GPATCH3: variants seen among roughly 807,000 people sequenced by gnomAD.
GPATCH3 encodes the protein G patch domain-containing protein 3.
In GPATCH3, 45 loss-of-function variants were observed where a neutral mutation model predicts 53.2. The ratio of observed to expected loss-of-function variants is 0.85; its 90% confidence interval spans 0.67 to 1.08. The LOEUF (loss-of-function observed/expected upper bound fraction) is 1.08, where lower values mean the gene tolerates loss of function less well. GPATCH3 is among the 50% of genes least tolerant of loss of function. GPATCH3 has a pLI of 0.00. For synonymous variants in GPATCH3, 280 were observed against 270.6 expected (o/e 1.03, Z -0.34); for missense variants, 680 against 687.2 (o/e 0.99, Z 0.12).
At chr1:26,891,249 T>C (rs142950620) in intron 6 of GPATCH3, 23 bp from the exon 7 acceptor site, 1 of 1,581,288 alleles carries the variant, frequency 6.3e-7, no homozygotes, top group African/African-American at 1.3e-5. Flanking sequence ...GGGCTCTCAG[T>C]GAGAAGGCTG....
rs781684975 is a variant in GPATCH3 at position 26,900,152 on chromosome 1, G to A, written c.291C>T (p.Ile97=). 1.2e-6 allele frequency: 2 copies of A among 1,614,184 alleles called. No homozygotes were observed. The highest frequency in any genetic ancestry group is 3.3e-5 in the Admixed American group (2 of 60,016). Residue 97 remains isoleucine, a synonymous_variant, in exon 1 of 7, where the codon ATC becomes ATT. Coordinates refer to ENST00000361720, the MANE Select transcript of GPATCH3 (RefSeq NM_022078.3). ...RPLSTRDSTP[I]QTRTCCCVIS... ...TGACGCAGCAGCAGGTGCGGGTCTG[G>A]ATTGGAGTAGAGTCTCGAGTGGAGA... is the stretch of plus-strand genomic sequence containing the variant.
chr1:26,893,208 C>G (rs1037309445), intron 4 of GPATCH3, among the ~76,000 whole-genome samples, 181 bp downstream of exon 4: 33 of 152,252 alleles, frequency 2.2e-4, no homozygotes, highest in Non-Finnish European at 4.9e-4. Flanking sequence ...GATGAAGGCT[C>G]TGTCCAAAAC....
Position 26,897,317 on chromosome 1 carries a change from T to TCTTCTTCCTCTTCCTTCCCCA in GPATCH3, c.839_859dup (p.Val280_Glu286dup). On this transcript the variant is annotated inframe_insertion, in exon 2 of 7. Transcript: ENST00000361720. Reference sequence around the variant, plus strand: ...TGTACTCACCTCATCTGAGTGAGACTCTTCTTCCTCTTCCTTCCCCACTTC... The same window carrying TCTTCTTCCTCTTCCTTCCCCA: ...TGTACTCACCTCATCTGAGTGAGACTCTTCTTCCTCTTCCTTCCCCACTTCTTCCTCTTCCTTCCCCACTTC... 1 of 1,614,074 alleles carries TCTTCTTCCTCTTCCTTCCCCA rather than the reference T, an allele frequency of 6.2e-7. No individual in the cohort carries two copies.
chr1:26,893,317 G>A, intron 4 of GPATCH3, 72 bp downstream of exon 4: 2 of 1,193,706 alleles, frequency 1.7e-6, no homozygotes, highest in East Asian at 2.3e-5. Flanking sequence ...GCCTTTGCTA[G>A]CTCTGGTAAA....
At position 26,891,008 on chromosome 1, in the gene GPATCH3, G is replaced by C; in HGVS notation, c.*2C>G. On this transcript the variant is annotated 3_prime_UTR_variant, in exon 7 of 7. Transcript: ENST00000361720. ...AGCTATGAAAGGAAGCCCCCAACCC[G>C]GTCAGTCAGGCAATGAGGGGCTGTC... 1.2e-6 allele frequency: 2 copies of C among 1,613,048 alleles called. No individual in the cohort carries two copies. The highest frequency in any genetic ancestry group is 2.2e-5 in the East Asian group (1 of 44,866).
At chr1:26,894,565 T>A (rs2081942792) in intron 2 of GPATCH3, among the ~76,000 whole-genome samples, 155 bp from the exon 3 acceptor site, 1 of 152,038 alleles carries the variant, frequency 6.6e-6, no homozygotes. Flanking sequence ...GACCAACACG[T>A]CTCCAGCCCG....
intron 2 of GPATCH3, among the ~76,000 whole-genome samples, chr1:26,895,978 C>T (rs1056633969): frequency 6.6e-5 from 10 of 152,158 alleles, no homozygotes; most frequent in African/African-American, 1.9e-4. Context: ...CCGGAGTACA[C>T]ATTTTTAAAA....
At position 26,891,125 on chromosome 1, in the gene GPATCH3, T is replaced by C. The variant is rs775896458; in HGVS notation, c.1463A>G (p.Asp488Gly). The C allele has an allele frequency of 1.2e-6, 2 of 1,613,978 alleles. No homozygotes were observed. The highest frequency in any genetic ancestry group is 1.7e-6 in the Non-Finnish European group (2 of 1,179,982). Residue 488 changes from aspartate to glycine, a missense_variant, in exon 7 of 7, where the codon GAC becomes GGC. Coordinates refer to ENST00000361720, the MANE Select transcript of GPATCH3 (RefSeq NM_022078.3). Reference protein sequence around the residue: ...STIYDEPLPQDQTESLLRRQP... With the variant: ...STIYDEPLPQGQTESLLRRQP... ...GCGGCGGAGCAGTGACTCCGTCTGG[T>C]CTTGGGGTAGAGGCTCATCATAGAT...
chr1:26,892,375 C>T (rs2081931439), intron 6 of GPATCH3, 36 bp downstream of exon 6: 1 of 1,598,150 alleles, frequency 6.3e-7, no homozygotes, highest in Non-Finnish European at 8.6e-7. Flanking sequence ...AGCTGAAAGG[C>T]TTGGGCCCCC....
rs1242741813 is a variant in GPATCH3 at position 26,900,260 on chromosome 1, A to G, written c.183T>C (p.Ala61=). The G allele has an allele frequency of 6.2e-7, 1 of 1,613,984 alleles. No individual in the cohort carries two copies. Among genetic ancestry groups the G allele is most frequent in the Admixed American group, 1.7e-5 (1 of 60,016 alleles). ...HRPERAPPQA[A]PNSALIPTDP... is the part of the protein sequence containing the mutation. ...CGGTAGGAATTAGGGCAGAGTTAGG[A>G]GCGGCCTGCGGAGGGGCCCGCTCAG... The change falls in exon 1 of 7, where the codon GCT becomes GCC. Residue 61 remains alanine (A), a synonymous_variant. Transcript: ENST00000361720.
intron 1 of GPATCH3, 65 bp from the exon 2 acceptor site, chr1:26,897,790 T>C (rs2124029345): frequency 1.9e-5 from 26 of 1,353,290 alleles, no homozygotes; most frequent in Non-Finnish European, 2.6e-5. Context: ...AGCCAGAAAT[T>C]GGCCAATGTT....
chr1:26,893,485 A>AT, intron 3 of GPATCH3, 37 bp from the exon 4 acceptor site: 4 of 1,469,860 alleles, frequency 2.7e-6, no homozygotes, highest in Non-Finnish European at 3.8e-6. Flanking sequence ...GAGTACATTA[A>AT]GGACTCTCAG....
At chr1:26,898,815 C>A (rs561096832) in intron 1 of GPATCH3, among the ~76,000 whole-genome samples, 1 of 151,878 alleles carries the variant, frequency 6.6e-6, no homozygotes, top group Admixed American at 6.6e-5. Flanking sequence ...TACAGGCATG[C>A]GCCACCACAA....
Position 26,891,087 on chromosome 1 carries a change from T to A in GPATCH3, c.1501A>T (p.Ser501Cys). ...ESLLRRQPPT[S>C]MKFRTDMAFV... is the part of the protein sequence containing the mutation. ...GCCATGTCTGTCCGAAACTTCATGC[T>A]GGTGGGTGGCTGGCGGCGGAGCAGT... Residue 501 changes from serine (S) to cysteine (C), a missense_variant, in exon 7 of 7, where the codon AGC becomes TGC. Transcript: ENST00000361720. 6.2e-7 allele frequency: 1 copy of A among 1,614,096 alleles called. No individual in the cohort carries two copies. Among genetic ancestry groups the A allele is most frequent in the Non-Finnish European group, 8.5e-7 (1 of 1,180,014 alleles).
At chr1:26,892,191 C>G (rs1336488847) in intron 6 of GPATCH3, among the ~76,000 whole-genome samples, 1 of 152,004 alleles carries the variant, frequency 6.6e-6, no homozygotes, top group Admixed American at 6.6e-5. Context: ...CGGCTGGTTT[C>G]AAACTGGGCT....
intron 1 of GPATCH3, 90 bp from the exon 2 acceptor site, chr1:26,897,815 T>C (rs2081958116): frequency 1.9e-6 from 2 of 1,060,742 alleles, no homozygotes; most frequent in Admixed American, 5.7e-5. Context: ...TCTGTTAGCC[T>C]TTCCCTAGTA....
chr1:26,892,844 G>A (rs1477934721), intron 4 of GPATCH3, 53 bp from the exon 5 acceptor site: 1 of 1,598,370 alleles, frequency 6.3e-7, no homozygotes, highest in South Asian at 1.1e-5. Context: ...GAAGGGGGAA[G>A]AATCAGGTTT....
chr1:26,898,808 A>G (rs1402850773), intron 1 of GPATCH3, among the ~76,000 whole-genome samples: 1 of 151,966 alleles, frequency 6.6e-6, no homozygotes, highest in African/African-American at 2.4e-5. Context: ...CTGGGACTAC[A>G]GGCATGCGCC....
In GPATCH3 at chr1:26,900,070, G is replaced by C; in HGVS notation, c.373C>G (p.Arg125Gly). 1.2e-6 allele frequency: 2 copies of C among 1,614,160 alleles called. No homozygotes were observed. Among genetic ancestry groups the C allele is most frequent in the African/African-American group, 1.3e-5 (1 of 75,054 alleles). ...QRLIRMYSGRRWLDSHGTWLP... is the reference protein window; with the variant it reads ...QRLIRMYSGRGWLDSHGTWLP... ...CAAGTCCCGTGAGAATCCAGCCACC[G>C]GCGGCCCGAGTACATGCGAATAAGC... Residue 125 changes from arginine to glycine, a missense_variant, in exon 1 of 7, where the codon CGG becomes GGG. By Grantham distance (125) the Arg-to-Gly change is moderately radical (BLOSUM62 -2). Transcript: ENST00000361720.
Sources: allele counts gnomAD v4.1 joint callset (sites outside exome capture counted in the v4.1 genomes callset), GRCh38; gene constraint gnomAD v4.1.1; transcripts MANE v1.5; gene names NCBI Gene and HGNC (gene_info 2026-07-23, HGNC 2026-07-21).